Variants in KCTD16 observed in about 807,000 individuals in gnomAD.
KCTD16 encodes the protein BTB/POZ domain-containing protein KCTD16.
KCTD16 carries 13 observed loss-of-function variants against 33.2 expected under a neutral mutation model. The ratio of observed to expected loss-of-function variants is 0.39; its 90% confidence interval spans 0.25 to 0.62. The LOEUF is 0.62. KCTD16 is among the 20% of genes least tolerant of loss of function. The probability of loss-of-function intolerance (pLI) is 0.50; values close to 1 mark genes in which losing one functional copy is unlikely to be tolerated. For synonymous variants in KCTD16, 197 were observed against 195.3 expected (o/e 1.01, Z -0.07); for missense variants, 441 against 525.1 (o/e 0.84, Z 1.57).
At position 144,207,546 on chromosome 5, in the gene KCTD16, C is replaced by T. The variant is rs768498501; in HGVS notation, c.832C>T (p.Arg278Cys). 3.7e-6 allele frequency: 6 copies of T among 1,603,922 alleles called. No homozygotes were observed. Among genetic ancestry groups the T allele is most frequent in the Non-Finnish European group, 5.1e-6 (6 of 1,172,896 alleles). ...AAGCTACACTGAATATGTCTTCTAC[C>T]GTAAGTACAAAGGGTTGTTTTAATT... ...WSSYTEYVFY[R>C]EPSRWSPSHC... The change falls in exon 3 of 4, where the codon CGT (arginine) becomes TGT (cysteine). Residue 278 changes from arginine (R) to cysteine (C), a missense_variant and splice_region_variant. Around this residue, in one of 3 missense-constraint regions of KCTD16, gnomAD observed 355 missense variants for 413.0 expected, o/e 0.86. Transcript: ENST00000512467.
intron 3 of KCTD16, among the ~76,000 whole-genome samples, chr5:144,438,321 A>G (rs1356662183): frequency 6.6e-6 from 1 of 152,240 alleles, no homozygotes; most frequent in Non-Finnish European, 1.5e-5. Flanking sequence ...ATTGGAATAT[A>G]ATGACTCACA....
chr5:144,435,689 G>T (rs556607587), intron 3 of KCTD16, among the ~76,000 whole-genome samples: 94 of 152,190 alleles, frequency 6.2e-4, no homozygotes, highest in African/African-American at 2.2e-3. Flanking sequence ...CAAAGAAGTT[G>T]GGGTTATTTA....
intron 3 of KCTD16, among the ~76,000 whole-genome samples, chr5:144,429,822 C>T (rs191645562): frequency 1.4e-4 from 22 of 151,854 alleles, no homozygotes; most frequent in East Asian, 5.8e-4. Context: ...TATACAGTGC[C>T]GCCAAGGAAG....
chr5:144,184,095 T>C (rs1752678724), intron 2 of KCTD16, among the ~76,000 whole-genome samples: 1 of 152,238 alleles, frequency 6.6e-6, no homozygotes, highest in African/African-American at 2.4e-5. Flanking sequence ...TTTTATTTAT[T>C]ATTAACTTGG....
chr5:144,283,937 C>G (rs1755673026), intron 3 of KCTD16, among the ~76,000 whole-genome samples: 1 of 152,022 alleles, frequency 6.6e-6, no homozygotes, highest in Non-Finnish European at 1.5e-5. Flanking sequence ...ATTTACAAAC[C>G]CAAGAATAAT....
In KCTD16 at chr5:144,286,883, C is replaced by T. The variant is rs146513089; in HGVS notation, c.832+79337C>T. ...TGGTAGTAGCAATAGTAAGAACAAT[C>T]GTAATAATAGGCCTGACACTTATTG... is the stretch of plus-strand genomic sequence containing the variant. On this transcript the variant is annotated intron_variant, in intron 3 of 3. Coordinates refer to ENST00000512467, the MANE Select transcript of KCTD16 (RefSeq NM_020768.4). Among the ~76,000 whole-genome samples the T allele has an allele frequency of 7.3e-4, 111 of 152,252 alleles. 3 individuals carry two copies. In the East Asian group the frequency reaches 0.015, roughly 21 times the overall value.
chr5:144,291,879 T>C (rs1755904493), intron 3 of KCTD16, among the ~76,000 whole-genome samples: 1 of 152,214 alleles, frequency 6.6e-6, no homozygotes, highest in African/African-American at 2.4e-5. Context: ...AAATGACAAA[T>C]ATTTGCGCAT....
rs1752922803 is a variant in KCTD16 at position 144,195,438 on chromosome 5, A to G, written c.-326-10951A>G. ...TGCTTGCTACCATCCAGCACCTTTC[A>G]TGATTTTTGCAGAATCTCCAGCACC... is the stretch of plus-strand genomic sequence containing the variant. On this transcript the variant is annotated intron_variant, in intron 2 of 3. Coordinates refer to ENST00000512467, the MANE Select transcript of KCTD16 (RefSeq NM_020768.4). Among the ~76,000 whole-genome samples, 3 of 152,116 alleles carry G rather than the reference A, an allele frequency of 2.0e-5. No individual in the cohort carries two copies. The South Asian group carries it at 6.2e-4, about 31-fold the overall frequency.
At chr5:144,454,912 G>T (rs1012973052) in intron 3 of KCTD16, among the ~76,000 whole-genome samples, 8 of 152,088 alleles carry the variant, frequency 5.3e-5, no homozygotes, top group African/African-American at 1.9e-4. Flanking sequence ...TATATTTTGA[G>T]GTTGGTATCT....
At chr5:144,414,947 G>T (rs777905340) in intron 3 of KCTD16, among the ~76,000 whole-genome samples, 2 of 152,154 alleles carry the variant, frequency 1.3e-5, no homozygotes, top group Admixed American at 6.5e-5. Flanking sequence ...TACAAATTTT[G>T]ATTGGTCTGA....
At chr5:144,328,298 A>G (rs180921184) in intron 3 of KCTD16, among the ~76,000 whole-genome samples, 10 of 152,300 alleles carry the variant, frequency 6.6e-5, no homozygotes, top group Admixed American at 2.0e-4. Context: ...ATTCATGGAA[A>G]GGTGCATATG....
chr5:144,312,716 A>G (rs1395788030), intron 3 of KCTD16, among the ~76,000 whole-genome samples: 1 of 152,160 alleles, frequency 6.6e-6, no homozygotes, highest in Non-Finnish European at 1.5e-5. Context: ...AAAATAATGT[A>G]TCGTTGGCAA....
intron 3 of KCTD16, among the ~76,000 whole-genome samples, chr5:144,235,093 C>A (rs1754212204): frequency 6.6e-6 from 1 of 152,122 alleles, no homozygotes; most frequent in Non-Finnish European, 1.5e-5. Context: ...TGAAAATACA[C>A]AAACACACGC....
intron 3 of KCTD16, among the ~76,000 whole-genome samples, chr5:144,304,315 G>A (rs1459368820): frequency 6.6e-6 from 1 of 150,860 alleles, no homozygotes; most frequent in Non-Finnish European, 1.5e-5. Flanking sequence ...ATGTGACATA[G>A]CAGCAATAAG....
chr5:144,367,641 A>G (rs114733711), intron 3 of KCTD16, among the ~76,000 whole-genome samples: 4,050 of 151,780 alleles, frequency 0.027, 83 homozygotes, highest in African/African-American at 0.044. Context: ...AGTAATCTGT[A>G]TCTTTCCCCC....
chr5:144,371,513 C>T (rs140528755), intron 3 of KCTD16, among the ~76,000 whole-genome samples: 1 of 152,262 alleles, frequency 6.6e-6, no homozygotes, highest in East Asian at 1.9e-4. Flanking sequence ...TTATCTGTTT[C>T]TCACACATTC....
chr5:144,211,706 A>G (rs1015634848), intron 3 of KCTD16, among the ~76,000 whole-genome samples: 4 of 152,190 alleles, frequency 2.6e-5, no homozygotes, highest in African/African-American at 9.6e-5. Flanking sequence ...TCAACCTGTA[A>G]TAATTTCAAT....
At chr5:144,338,421 G>A (rs533009728) in intron 3 of KCTD16, among the ~76,000 whole-genome samples, 37 of 152,270 alleles carry the variant, frequency 2.4e-4, no homozygotes, top group African/African-American at 8.9e-4. Context: ...CCTCATCCAG[G>A]CCCTACTGGC....
chr5:144,445,758 G>C (rs1000273630), intron 3 of KCTD16, among the ~76,000 whole-genome samples: 1 of 150,514 alleles, frequency 6.6e-6, no homozygotes, highest in Admixed American at 6.6e-5. Flanking sequence ...TTTCATTATG[G>C]TCTCTCTATC....
Sources: allele counts gnomAD v4.1 joint callset (sites outside exome capture counted in the v4.1 genomes callset), GRCh38; gene constraint gnomAD v4.1.1; regional missense constraint gnomAD v4.1.1; transcripts MANE v1.5; gene names NCBI Gene and HGNC (gene_info 2026-07-23, HGNC 2026-07-21).